Variants in PPARGC1A observed in about 807,000 individuals in gnomAD.
PPARGC1A encodes peroxisome proliferator-activated receptor gamma coactivator 1-alpha.
Under a neutral mutation model 88.7 loss-of-function variants are expected in PPARGC1A, and 25 were observed. The observed-to-expected ratio is 0.28, with a 90% CI of 0.21 to 0.39. PPARGC1A has a LOEUF of 0.39. Ranked by LOEUF, PPARGC1A falls within the 10% of genes least tolerant of loss-of-function variation. The pLI is 1.00. For missense variants in PPARGC1A, 880 were observed against 968.7 expected (o/e 0.91, Z 1.22); for synonymous variants, 363 against 355.6 (o/e 1.02, Z -0.24).
the PPARGC1A span, among the ~76,000 whole-genome samples, chr4:24,040,183 C>T: frequency 6.6e-6 from 1 of 152,154 alleles, no homozygotes; most frequent in Non-Finnish European, 1.5e-5. Context: ...GCATTAGGTA[C>T]GACATCATCA....
the PPARGC1A span, among the ~76,000 whole-genome samples, chr4:24,357,788 G>T: frequency 2.0e-5 from 3 of 152,102 alleles, no homozygotes; most frequent in African/African-American, 4.8e-5. Flanking sequence ...AACCCCTTTT[G>T]CCTGGTTCTC....
In PPARGC1A at chr4:23,895,936, A is replaced by ATG. The variant is rs550243415; in HGVS notation, n.52+3329_52+3330dup. 6.8e-3 allele frequency among the ~76,000 whole-genome samples: 892 copies of ATG among 130,698 alleles called. 5 individuals carry two copies. Among genetic ancestry groups the ATG allele is most frequent in the East Asian group, 0.027 (120 of 4,406 alleles). The allele number at this position is 130,698 out of a possible 152,430, so 85.7% of individuals were successfully genotyped here. A position where few individuals can be genotyped will look rare whatever the true frequency, so the allele number is the denominator to read the frequency against. ...TGACCTGGTTCAATAAATTATAGAGATGTGTGTGTGTGTGTGTGTGTGTGT... is the reference window on the plus strand; with the variant it reads ...TGACCTGGTTCAATAAATTATAGAGATGTGTGTGTGTGTGTGTGTGTGTGTGT... On this transcript the variant is annotated intron_variant and non_coding_transcript_variant, in intron 1 of 3. Coordinates refer to the PPARGC1A transcript ENST00000507342.
At chr4:24,027,859 C>T in the PPARGC1A span, among the ~76,000 whole-genome samples, 5 of 152,242 alleles carry the variant, frequency 3.3e-5, no homozygotes, top group Non-Finnish European at 7.4e-5. Flanking sequence ...ACCCTTTTTC[C>T]ACCTTGCAAC....
chr4:24,100,491 C>T, the PPARGC1A span, among the ~76,000 whole-genome samples: 6 of 152,138 alleles, frequency 3.9e-5, no homozygotes, highest in East Asian at 5.8e-4. Flanking sequence ...CCAACACCTT[C>T]GACATACGTG....
At chr4:24,200,159 T>G in the PPARGC1A span, among the ~76,000 whole-genome samples, 957 of 152,266 alleles carry the variant, frequency 6.3e-3, 14 homozygotes, top group African/African-American at 0.022. Context: ...AGAAGGGATG[T>G]ATATACAGCA....
chr4:24,170,911 T>C, the PPARGC1A span, among the ~76,000 whole-genome samples: 2 of 152,162 alleles, frequency 1.3e-5, no homozygotes, highest in Non-Finnish European at 2.9e-5. Context: ...CATCATCTCT[T>C]ATTCTTTCTG....
the PPARGC1A span, among the ~76,000 whole-genome samples, chr4:24,204,114 C>T: frequency 2.0e-5 from 3 of 152,044 alleles, no homozygotes; most frequent in Non-Finnish European, 2.9e-5. Flanking sequence ...GCACAATCAG[C>T]CAGCTGACCA....
At chr4:24,082,198 C>A in the PPARGC1A span, among the ~76,000 whole-genome samples, 1 of 152,180 alleles carries the variant, frequency 6.6e-6, no homozygotes, top group Admixed American at 6.5e-5. Flanking sequence ...CCAGGCACTG[C>A]CCCTGAGTCC....
At chr4:24,065,387 G>A in the PPARGC1A span, among the ~76,000 whole-genome samples, 2 of 152,078 alleles carry the variant, frequency 1.3e-5, no homozygotes, top group Non-Finnish European at 2.9e-5. Flanking sequence ...GATCGTTAGG[G>A]GATTGCCTTC....
At chr4:24,270,869 G>T in the PPARGC1A span, among the ~76,000 whole-genome samples, 1 of 152,000 alleles carries the variant, frequency 6.6e-6, no homozygotes, top group South Asian at 2.1e-4. Flanking sequence ...ATAACCTTTG[G>T]ATTATCTTTA....
chr4:23,888,697 C>T (rs553869359), intron 1 of PPARGC1A, among the ~76,000 whole-genome samples: 1 of 152,322 alleles, frequency 6.6e-6, no homozygotes, highest in South Asian at 2.1e-4. Flanking sequence ...AGTTAAGAAT[C>T]CCGGGCATGC....
At position 23,814,103 on chromosome 4, in the gene PPARGC1A, G is replaced by A. The variant is rs777545886; in HGVS notation, c.1380C>T (p.Ala460=). 9.3e-6 allele frequency: 15 copies of A among 1,613,890 alleles called. No homozygotes were observed. Among genetic ancestry groups the A allele is most frequent in the African/African-American group, 8.0e-5 (6 of 74,892 alleles). Reference sequence around the variant, plus strand: ...GATGACCGAAGTGCTTGTTCAGCTCGGCTCGGATTTCCTGGTCTTGGAGCT... The same window carrying A: ...GATGACCGAAGTGCTTGTTCAGCTCAGCTCGGATTTCCTGGTCTTGGAGCT... ...RKQLQDQEIR[A]ELNKHFGHPS... The change falls in exon 8 of 13, where the codon GCC becomes GCT. Residue 460 remains alanine (A), a synonymous_variant. Coordinates refer to ENST00000264867, the MANE Select transcript of PPARGC1A (RefSeq NM_013261.5).
the PPARGC1A span, among the ~76,000 whole-genome samples, chr4:24,083,425 C>A: frequency 1.3e-5 from 2 of 152,178 alleles, no homozygotes; most frequent in African/African-American, 2.4e-5. Context: ...CCACACAACA[C>A]AACTAACCAC....
the PPARGC1A span, among the ~76,000 whole-genome samples, chr4:24,387,838 A>AAGAAAGAG: frequency 9.7e-5 from 7 of 72,500 alleles, no homozygotes; most frequent in South Asian, 5.1e-4. Context: ...GAAAGAGAGA[A>AAGAAAGAG]AGAGAGAGAG....
At chr4:24,396,543 T>C in the PPARGC1A span, among the ~76,000 whole-genome samples, 1 of 152,198 alleles carries the variant, frequency 6.6e-6, no homozygotes, top group Non-Finnish European at 1.5e-5. Flanking sequence ...CATGGCTGTC[T>C]GTGAAGCATC....
At chr4:24,252,202 G>A in the PPARGC1A span, among the ~76,000 whole-genome samples, 1 of 152,112 alleles carries the variant, frequency 6.6e-6, no homozygotes, top group Non-Finnish European at 1.5e-5. Context: ...GTTCTATGAT[G>A]TAAACATGAC....
At chr4:24,310,450 A>G in the PPARGC1A span, among the ~76,000 whole-genome samples, 2 of 152,210 alleles carry the variant, frequency 1.3e-5, no homozygotes, top group Non-Finnish European at 2.9e-5. Context: ...GATGGTAAAG[A>G]GGAGCAATTT....
the PPARGC1A span, chr4:24,091,437 G>A: frequency 1.0e-6 from 1 of 984,452 alleles, no homozygotes; most frequent in Admixed American, 6.2e-5. Context: ...GAGAGATTTG[G>A]GTCCTGTGTG....
At chr4:24,203,530 G>A in the PPARGC1A span, among the ~76,000 whole-genome samples, 205 of 151,040 alleles carry the variant, frequency 1.4e-3, 2 homozygotes, top group African/African-American at 4.1e-3. Flanking sequence ...AGAAAGTGAA[G>A]CAAAAGATAG....
Sources: allele counts gnomAD v4.1 joint callset (sites outside exome capture counted in the v4.1 genomes callset), GRCh38; gene constraint gnomAD v4.1.1; transcripts MANE v1.5; gene names NCBI Gene and HGNC (gene_info 2026-07-23, HGNC 2026-07-21).